Variants in UNC79 observed in about 807,000 individuals in gnomAD.
The protein encoded by UNC79 is unc-79 subunit of NALCN channel complex.
In UNC79, 37 loss-of-function variants were observed where a neutral mutation model predicts 283.1. The ratio of observed to expected loss-of-function variants is 0.13; its 90% CI spans 0.10 to 0.17. The LOEUF is 0.17. Among genes scored for constraint, UNC79 ranks in the 10% least tolerant of loss-of-function variants. The pLI is 1.00. For synonymous variants in UNC79, 1,107 were observed against 1,200.2 expected, an observed-to-expected ratio of 0.92 and a Z score of 1.61; for missense variants, 2,272 against 3,211.1, an observed-to-expected ratio of 0.71 and a Z score of 7.07.
rs774977452 is a variant in UNC79 at position 93,528,685 on chromosome 14, A to G, written c.1052+39A>G. The G allele has an allele frequency of 1.5e-5, 23 of 1,576,752 alleles. No individual in the cohort carries two copies. The African/African-American group carries it at 2.4e-4, about 17-fold the overall frequency. ...TTCTTAAAGAAAAGGAAATAGGACA[A>G]CAATAAGAAGATAAGAAAAATCATT... On this transcript the variant is annotated intron_variant, in intron 9 of 48. Transcript: ENST00000555664.
At chr14:93,528,780 G>GA in intron 9 of UNC79, 134 bp downstream of exon 9, 3 of 819,298 alleles carry the variant, frequency 3.7e-6, no homozygotes, top group Non-Finnish European at 5.7e-6. Context: ...TAATTATTCT[G>GA]ATACTTAACA....
intron 1 of UNC79, among the ~76,000 whole-genome samples, chr14:93,357,223 C>G (rs995942560): frequency 3.3e-5 from 5 of 152,170 alleles, no homozygotes; most frequent in East Asian, 1.9e-4. Context: ...GTTTTCATGG[C>G]TGCATAGTAT....
chr14:93,682,830 C>CT, intron 42 of UNC79, 136 bp downstream of exon 45: 1 of 737,374 alleles, frequency 1.4e-6, no homozygotes, highest in Non-Finnish European at 2.2e-6. Context: ...GTATTTTAAC[C>CT]TATAATTCTT....
intron 7 of UNC79, among the ~76,000 whole-genome samples, chr14:93,515,887 C>CTT (rs59035351): frequency 1.6e-4 from 24 of 149,288 alleles, no homozygotes; most frequent in South Asian, 4.2e-4. Context: ...TGAAATTTAT[C>CTT]TTTTTTTTTT....
chr14:93,551,090 C>T (rs936916977), intron 14 of UNC79, among the ~76,000 whole-genome samples: 3 of 152,092 alleles, frequency 2.0e-5, no homozygotes, highest in Non-Finnish European at 4.4e-5. Context: ...CGCTCTGTAG[C>T]CCAGGCTGGA....
intron 14 of UNC79, among the ~76,000 whole-genome samples, chr14:93,550,555 T>C (rs1166018286): frequency 1.3e-5 from 2 of 148,896 alleles, no homozygotes; most frequent in African/African-American, 4.9e-5. Flanking sequence ...GAAGGAGTCT[T>C]CCCTGGCTCA....
intron 1 of UNC79, among the ~76,000 whole-genome samples, chr14:93,420,267 G>C (rs2055566520): frequency 6.6e-6 from 1 of 150,452 alleles, no homozygotes. Flanking sequence ...CAAAGGGATA[G>C]AAAACAATAC....
At position 93,603,776 on chromosome 14, in the gene UNC79, A is replaced by ATAT. The variant is rs1484573480; in HGVS notation, c.3754+358_3754+359insTAT. Among the ~76,000 whole-genome samples, 3 of 152,352 alleles carry ATAT rather than the reference A, an allele frequency of 2.0e-5. No individual in the cohort carries two copies. In the East Asian group the frequency reaches 5.8e-4, roughly 29 times the overall value. ...CCTAAGAGCTTTCTGAATAAGACTT[A>ATAT]GACAATAAGACCTATCATGGCTAAG... On this transcript the variant is annotated intron_variant, in intron 26 of 48. Transcript: ENST00000555664.
chr14:93,415,077 A>G (rs113325269), intron 1 of UNC79, among the ~76,000 whole-genome samples: 10 of 152,204 alleles, frequency 6.6e-5, no homozygotes, highest in Non-Finnish European at 1.0e-4. Context: ...AGTGGTGAGA[A>G]AGGGCATCCC....
At chr14:93,378,318 A>G (rs927362801) in intron 1 of UNC79, among the ~76,000 whole-genome samples, 1 of 152,134 alleles carries the variant, frequency 6.6e-6, no homozygotes, top group African/African-American at 2.4e-5. Context: ...TCTTTAGGTG[A>G]TTATAAGAAT....
intron 1 of UNC79, among the ~76,000 whole-genome samples, chr14:93,422,305 A>G (rs1310434972): frequency 1.3e-5 from 2 of 151,864 alleles, no homozygotes; most frequent in Non-Finnish European, 2.9e-5. Context: ...AAAGACCGGG[A>G]ATCAATAGAA....
At chr14:93,624,815 A>T (rs74073840) in intron 30 of UNC79, among the ~76,000 whole-genome samples, 2,077 of 152,166 alleles carry the variant, frequency 0.014, 56 homozygotes, top group African/African-American at 0.048. Flanking sequence ...AGGCGTCCCC[A>T]GACTTTCCTG....
intron 39 of UNC79, among the ~76,000 whole-genome samples, chr14:93,659,566 C>A (rs1396874651): frequency 3.3e-5 from 5 of 152,194 alleles, no homozygotes; most frequent in African/African-American, 9.6e-5. Flanking sequence ...GCTTTAAAAT[C>A]TCTGATAACT....
intron 14 of UNC79, among the ~76,000 whole-genome samples, chr14:93,554,308 A>G (rs572572000): frequency 2.7e-5 from 4 of 150,890 alleles, no homozygotes; most frequent in African/African-American, 9.8e-5. Flanking sequence ...AGACCATGCC[A>G]TTGTACTCCA....
intron 8 of UNC79, among the ~76,000 whole-genome samples, chr14:93,527,490 G>A (rs2060598900): frequency 6.6e-6 from 1 of 152,200 alleles, no homozygotes; most frequent in African/African-American, 2.4e-5. Flanking sequence ...TTCACTCTGA[G>A]CCTTTGTCAT....
intron 34 of UNC79, among the ~76,000 whole-genome samples, chr14:93,644,239 C>G (rs7154311): frequency 6.6e-6 from 1 of 152,124 alleles, no homozygotes; most frequent in Non-Finnish European, 1.5e-5. Context: ...TGAGAGATTA[C>G]GCTTAGCTGC....
chr14:93,357,676 C>CATATATAT (rs60284787), intron 1 of UNC79, among the ~76,000 whole-genome samples: 23 of 32,354 alleles, frequency 7.1e-4, no homozygotes, highest in East Asian at 1.1e-3. Context: ...AATAAACTCC[C>CATATATAT]ATATATATAT....
At chr14:93,667,142 G>A (rs899368840) in intron 40 of UNC79, among the ~76,000 whole-genome samples, 11 of 151,148 alleles carry the variant, frequency 7.3e-5, no homozygotes, top group Admixed American at 2.0e-4. Flanking sequence ...GAAGGAGAGA[G>A]AGAAGAAGGA....
In UNC79 at chr14:93,688,555, C is replaced by A; in HGVS notation, c.6910-110C>A. ...TGAAGAAGTTTAAGCAGGTTGTTTG[C>A]TCAGAGTGGCGATAAGCGGGGTGGA... On this transcript the variant is annotated intron_variant, in intron 43 of 48. Transcript: ENST00000555664. The surrounding 1 kb of genome is among the most constrained non-coding windows in gnomAD (Gnocchi z 4.0). 1 of 1,270,278 alleles carries A rather than the reference C, an allele frequency of 7.9e-7. No homozygotes were observed. The highest frequency in any genetic ancestry group is 1.1e-6 in the Non-Finnish European group (1 of 919,060). 78.7% of individuals were successfully genotyped at this position (1,270,278 alleles called of 1,614,324 possible).
Sources: gnomAD v4.1 joint callset for allele counts (sites outside exome capture counted in the v4.1 genomes callset) on GRCh38, gnomAD v4.1.1 for gene constraint, Gnocchi (gnomAD v3.1) non-coding constraint, MANE v1.5 for transcripts, NCBI Gene and HGNC (gene_info 2026-07-23, HGNC 2026-07-21) for gene names.